KCNJ10: variants seen among roughly 807,000 people sequenced by gnomAD.
KCNJ10 encodes the protein ATP-sensitive inward rectifier potassium channel 10.
A neutral mutation model predicts 22.2 loss-of-function variants in KCNJ10; 9 were observed. The observed-to-expected ratio is 0.40, with a 90% confidence interval of 0.24 to 0.71. KCNJ10 has a LOEUF of 0.71. Among genes scored for constraint, KCNJ10 ranks in the 30% least tolerant of loss-of-function variants. The pLI, the probability that KCNJ10 is intolerant of heterozygous loss-of-function variation, is 0.35. For synonymous variants in KCNJ10, 184 were observed against 187.3 expected, an observed-to-expected ratio of 0.98 and a Z score of 0.15; for missense variants, 337 against 482.7, an observed-to-expected ratio of 0.70 and a Z score of 2.83.
Position 160,041,621 on chromosome 1 carries a change from C to G in KCNJ10, c.912G>C (p.Glu304Asp). The G allele has an allele frequency of 1.9e-6, 3 of 1,614,128 alleles. No homozygotes were observed. Among genetic ancestry groups the G allele is most frequent in the Non-Finnish European group, 2.5e-6 (3 of 1,179,966 alleles). ...GTGTGAACTCGTAGCCCCAAAGGAT[C>G]TCCTCTGGCAGGTAGGAAGTGCGCA... ...CQVRTSYLPE[E>D]ILWGYEFTPA... The change falls in exon 2 of 2, where the codon GAG becomes GAC. Residue 304 changes from glutamate (E) to aspartate (D), a missense_variant. By Grantham distance (45) the Glu-to-Asp change is conservative. Transcript: ENST00000644903. This position sits in a 1 kb window ranked among gnomAD's most constrained non-coding sequence, Gnocchi z 4.4.
At chr1:160,059,519 A>T (rs564494740) in intron 1 of KCNJ10, among the ~76,000 whole-genome samples, 2 of 150,690 alleles carry the variant, frequency 1.3e-5, no homozygotes, top group East Asian at 3.9e-4. Context: ...ATCCACAGAA[A>T]CTCTTCCCCA....
In KCNJ10 at chr1:160,046,555, C is replaced by G. The variant is rs1003337687; in HGVS notation, c.1-4023G>C. Among the ~76,000 whole-genome samples, 4 of 152,196 alleles carry G rather than the reference C, an allele frequency of 2.6e-5. No individual in the cohort carries two copies. In the South Asian group the frequency reaches 8.3e-4, roughly 31 times the overall value. On this transcript the variant is annotated intron_variant, in intron 1 of 1. Coordinates refer to ENST00000644903, the MANE Select transcript of KCNJ10 (RefSeq NM_002241.5). Reference sequence around the variant, plus strand: ...TCAAGGGTACTGGAGATTTCGGCCACTGCTAGCCTCTTTGTTGCCTCTGGC... The same window carrying G: ...TCAAGGGTACTGGAGATTTCGGCCAGTGCTAGCCTCTTTGTTGCCTCTGGC...
At chr1:160,067,198 G>T (rs1649341625) in intron 1 of KCNJ10, among the ~76,000 whole-genome samples, 1 of 152,020 alleles carries the variant, frequency 6.6e-6, no homozygotes, top group Admixed American at 6.6e-5. Context: ...TCAAATCCAG[G>T]CTCCAAGCTG....
chr1:160,066,318 T>C (rs1354461140), intron 1 of KCNJ10, among the ~76,000 whole-genome samples: 1 of 152,010 alleles, frequency 6.6e-6, no homozygotes, highest in Non-Finnish European at 1.5e-5. Context: ...AGGAAATGCA[T>C]CTTAAACTGC....
chr1:160,043,312 CACAA>C (rs879830795), intron 1 of KCNJ10, among the ~76,000 whole-genome samples: 1,879 of 149,990 alleles, frequency 0.013, 28 homozygotes, highest in South Asian at 0.033. Context: ...CACACACACA[CACAA>C]CCTTAATTTC....
chr1:160,069,424 G>A (rs377265700), intron 1 of KCNJ10, among the ~76,000 whole-genome samples: 2 of 152,200 alleles, frequency 1.3e-5, no homozygotes, highest in Non-Finnish European at 2.9e-5. Context: ...TGGGGTGAGG[G>A]TGAGGGGCCA....
intron 1 of KCNJ10, among the ~76,000 whole-genome samples, chr1:160,051,008 A>C (rs912747510): frequency 6.6e-6 from 1 of 151,702 alleles, no homozygotes; most frequent in Non-Finnish European, 1.5e-5. Flanking sequence ...CAGTGATGCA[A>C]TCTCAGCTCA....
At chr1:160,056,150 G>A (rs868411546) in intron 1 of KCNJ10, among the ~76,000 whole-genome samples, 2 of 152,146 alleles carry the variant, frequency 1.3e-5, no homozygotes, top group Middle Eastern at 3.4e-3. Context: ...GGCTGCCCTA[G>A]TTCATTCACT....
chr1:160,037,544 T>C lies in KCNJ10; in HGVS notation c.*3849A>G, dbSNP rs1030653271. ...AAACAAAACAAATCTTACACACCTT[T>C]TTTTTCCTAGATAAATTTGACCTGG... On this transcript the variant is annotated 3_prime_UTR_variant, in exon 2 of 2. Coordinates refer to ENST00000644903, the MANE Select transcript of KCNJ10 (RefSeq NM_002241.5). 6.6e-6 allele frequency: 1 copy of C among 152,212 alleles called. No individual in the cohort carries two copies. Among genetic ancestry groups the C allele is most frequent in the African/African-American group, 2.4e-5 (1 of 41,436 alleles). The allele number at this position is 152,212 out of a possible 1,614,324, so 9.4% of individuals were successfully genotyped here.
intron 1 of KCNJ10, among the ~76,000 whole-genome samples, chr1:160,052,693 A>T (rs1648932256): frequency 6.6e-6 from 1 of 152,220 alleles, no homozygotes; most frequent in Non-Finnish European, 1.5e-5. Flanking sequence ...TGGACTGGGA[A>T]GTAAGAGACT....
chr1:160,041,499 C>A lies in KCNJ10; in HGVS notation c.1034G>T (p.Ser345Ile). The A allele has an allele frequency of 6.2e-7, 1 of 1,614,168 alleles. No individual in the cohort carries two copies. The highest frequency in any genetic ancestry group is 1.1e-5 in the South Asian group (1 of 91,084). Residue 345 changes from serine (S) to isoleucine (I), a missense_variant, in exon 2 of 2, where the codon AGC becomes ATC. Around this residue, in one of 3 missense-constraint regions of KCNJ10, gnomAD observed 65 missense variants for 66.0 expected, o/e 0.98. Coordinates refer to ENST00000644903, the MANE Select transcript of KCNJ10 (RefSeq NM_002241.5). This position sits in a 1 kb window ranked among gnomAD's most constrained non-coding sequence, Gnocchi z 4.4. ...TTCAGGGTCTCCGTAGCGTACAGTG[C>A]TGTCACGGAGGCCACTAGGAGAGGC... ...KVASPSGLRD[S>I]TVRYGDPEKL...
Position 160,040,659 on chromosome 1 carries a change from G to A in KCNJ10, c.*734C>T, listed in dbSNP as rs778432509. On this transcript the variant is annotated 3_prime_UTR_variant, in exon 2 of 2. Coordinates refer to ENST00000644903, the MANE Select transcript of KCNJ10 (RefSeq NM_002241.5). The stretch of plus-strand genomic sequence containing the variant: ...CTTGTGTTAGTCACTCCAAATTGAA[G>A]AGTTCAGAATCCAGGATAGATATGG... The A allele has an allele frequency of 3.1e-4, 124 of 398,808 alleles. No individual in the cohort carries two copies. Among genetic ancestry groups the A allele is most frequent in the Non-Finnish European group, 2.6e-4 (58 of 226,412 alleles). The allele number at this position is 398,808 out of a possible 1,614,324, so 24.7% of individuals were successfully genotyped here. A position where few individuals can be genotyped will look rare whatever the true frequency, so the allele number is the denominator to read the frequency against.
rs1648664874 is a variant in KCNJ10, at chr1:160,043,480, CTG to C, written c.1-950_1-949del. Among the ~76,000 whole-genome samples, 3 of 152,212 alleles carry C rather than the reference CTG, an allele frequency of 2.0e-5. No homozygotes were observed. In the South Asian group the frequency reaches 6.2e-4, roughly 32 times the overall value. On this transcript the variant is annotated intron_variant, in intron 1 of 1. Transcript: ENST00000644903. ...CATTTTTTATCATCATCATCATCATCTGTTTGCATCATCTGGGGAAATTTGGT... is the reference window on the plus strand; with the variant it reads ...CATTTTTTATCATCATCATCATCATCTTTGCATCATCTGGGGAAATTTGGT...
In KCNJ10 at chr1:160,057,821, C is replaced by G. The variant is rs577271660; in HGVS notation, c.-1+12201G>C. ...GCGGGGGAGGCTGACCAGATCCCAG[C>G]TGAAGGGCCCTTCTCTGTACACTTT... On this transcript the variant is annotated intron_variant, in intron 1 of 1. Coordinates refer to ENST00000644903, the MANE Select transcript of KCNJ10 (RefSeq NM_002241.5). Among the ~76,000 whole-genome samples, 3 of 152,260 alleles carry G rather than the reference C, an allele frequency of 2.0e-5. No individual in the cohort carries two copies. In the East Asian group the frequency reaches 5.8e-4, roughly 29 times the overall value.
chr1:160,049,125 G>T (rs1648817622), intron 1 of KCNJ10, among the ~76,000 whole-genome samples: 1 of 152,176 alleles, frequency 6.6e-6, no homozygotes, highest in African/African-American at 2.4e-5. Context: ...TGTGGAATTA[G>T]ATTCATGCCC....
rs58451151 is a variant in KCNJ10, at chr1:160,053,607, A to AGTGTGT, written c.1-11081_1-11076dup. Among the ~76,000 whole-genome samples the AGTGTGT allele has an allele frequency of 3.3e-5, 5 of 149,254 alleles. No individual in the cohort carries two copies. The East Asian group carries it at 8.0e-4, about 24-fold the overall frequency. On this transcript the variant is annotated intron_variant, in intron 1 of 1. Transcript: ENST00000644903. ...ATCCTGAGGTGGGGAAAAAGAGGGC[A>AGTGTGT]GTGTGTGTGTGTGTGTGTGTGTGTG...
rs750227861 is a variant in KCNJ10 at position 160,042,512 on chromosome 1, C to T, written c.21G>A (p.Val7=). The T allele has an allele frequency of 5.0e-6, 8 of 1,614,128 alleles. No individual in the cohort carries two copies. The highest frequency in any genetic ancestry group is 6.8e-6 in the Non-Finnish European group (8 of 1,180,040). Residue 7 remains valine, a synonymous_variant, in exon 2 of 2, where the codon GTG becomes GTA. Transcript: ENST00000644903. The stretch of plus-strand genomic sequence containing the variant: ...CTGTCTGAGTGGTCTGACTGTAATA[C>T]ACCTTGGCAACTGACGTCATCTGGA... MTSVAK[V]YYSQTTQTES...
chr1:160,068,929 A>T (rs944716462), intron 1 of KCNJ10, among the ~76,000 whole-genome samples: 3 of 152,148 alleles, frequency 2.0e-5, no homozygotes, highest in Admixed American at 6.5e-5. Context: ...TCCTGTCATT[A>T]TCTCCCTCCC....
intron 1 of KCNJ10, among the ~76,000 whole-genome samples, chr1:160,046,764 C>T (rs1382335117): frequency 6.6e-6 from 1 of 152,180 alleles, no homozygotes; most frequent in African/African-American, 2.4e-5. Context: ...CAAAGCTGGC[C>T]AGGCCCCTGG....
Sources: gnomAD v4.1 joint callset for allele counts (sites outside exome capture counted in the v4.1 genomes callset) on GRCh38, gnomAD v4.1.1 for gene constraint, gnomAD v4.1.1 regional missense constraint, Gnocchi (gnomAD v3.1) non-coding constraint, MANE v1.5 for transcripts, NCBI Gene and HGNC (gene_info 2026-07-23, HGNC 2026-07-21) for gene names.